Variants in UGT2B17 observed in about 807,000 individuals in gnomAD.
The protein encoded by UGT2B17 is UDP glucuronosyltransferase family 2 member B17, also known as UDP-glucuronosyltransferase 2B17.
UGT2B17 carries 21 observed loss-of-function variants against 48.2 expected under a neutral mutation model. The ratio of observed to expected loss-of-function variants is 0.44; its 90% CI spans 0.31 to 0.63. The LOEUF is 0.63. UGT2B17 is among the 20% of genes least tolerant of loss of function. The pLI is 0.08. For synonymous variants in UGT2B17, 146 were observed against 238.4 expected, an observed-to-expected ratio of 0.61 and a Z score of 3.57; for missense variants, 402 against 696.1, an observed-to-expected ratio of 0.58 and a Z score of 4.75.
rs546771764 is a variant in UGT2B17 at position 68,542,728 on chromosome 4, G to T, written c.1314-4824C>A. ...GTAACAGATGGCACCTGGAAAATTG[G>T]GTTACTCCCACCCTAATACTGCGCT... is the stretch of plus-strand genomic sequence containing the variant. On this transcript the variant is annotated intron_variant, in intron 6 of 6. Coordinates refer to ENST00000317746, the MANE Select transcript of UGT2B17 (RefSeq NM_001077.4). Among the ~76,000 whole-genome samples the T allele has an allele frequency of 6.3e-5, 8 of 126,922 alleles. 1 individual carries two copies. The highest frequency in any genetic ancestry group is 2.2e-4 in the African/African-American group (8 of 37,194). 83.3% of individuals were successfully genotyped at this position (126,922 alleles called of 152,430 possible). A position where few individuals can be genotyped will look rare whatever the true frequency, so the allele number is the denominator to read the frequency against.
chr4:68,562,903 T>C (rs1731129952), intron 3 of UGT2B17, among the ~76,000 whole-genome samples: 1 of 126,742 alleles, frequency 7.9e-6, no homozygotes, highest in Non-Finnish European at 1.7e-5. Flanking sequence ...CAACTATACC[T>C]GTACTACAGC....
In UGT2B17 at chr4:68,567,640, C is replaced by T. The variant is rs1438370089; in HGVS notation, c.724+121G>A. On this transcript the variant is annotated intron_variant, in intron 2 of 6. Transcript: ENST00000317746. ...TTTTTGAGACTCATAGATCATCTTACATTTGCAATTCATAATTTCCCATAA... is the reference window on the plus strand; with the variant it reads ...TTTTTGAGACTCATAGATCATCTTATATTTGCAATTCATAATTTCCCATAA... The T allele has an allele frequency of 3.7e-5, 29 of 778,848 alleles. 8 individuals carry two copies. Among genetic ancestry groups the T allele is most frequent in the Non-Finnish European group, 4.8e-5 (27 of 565,396 alleles). 48.2% of individuals were successfully genotyped at this position (778,848 alleles called of 1,614,324 possible).
chr4:68,569,030 A>G (rs1172280550), intron 1 of UGT2B17, among the ~76,000 whole-genome samples: 1 of 135,226 alleles, frequency 7.4e-6, no homozygotes, highest in Admixed American at 7.4e-5. Flanking sequence ...GGCAACCACT[A>G]ATCTAATTTC....
rs1731105371 is a variant in UGT2B17 at position 68,561,652 on chromosome 4, A to G, written c.874-984T>C. Among the ~76,000 whole-genome samples the G allele has an allele frequency of 1.6e-5, 2 of 123,514 alleles. 1 individual carries two copies. Among genetic ancestry groups the G allele is most frequent in the Admixed American group, 1.7e-4 (2 of 11,834 alleles). 81.0% of individuals were successfully genotyped at this position (123,514 alleles called of 152,430 possible). Reference sequence around the variant, plus strand: ...CCCCCTAGAGTAGCTCCCTCACACTATATGAAGCTCCTGGTAAATATGTGT... The same window carrying G: ...CCCCCTAGAGTAGCTCCCTCACACTGTATGAAGCTCCTGGTAAATATGTGT... On this transcript the variant is annotated intron_variant, in intron 3 of 6. Coordinates refer to ENST00000317746, the MANE Select transcript of UGT2B17 (RefSeq NM_001077.4).
At chr4:68,560,811 T>A in intron 3 of UGT2B17, 143 bp from the exon 4 acceptor site, 3 of 673,038 alleles carry the variant, frequency 4.5e-6, no homozygotes, top group Non-Finnish European at 6.7e-6. Flanking sequence ...TCAGTTTCTT[T>A]GAAAGGAGAT....
At position 68,561,963 on chromosome 4, in the gene UGT2B17, T is replaced by C; in HGVS notation, c.874-1295A>G. Among the ~76,000 whole-genome samples the C allele has an allele frequency of 1.6e-5, 2 of 124,150 alleles. 1 individual carries two copies. Among genetic ancestry groups the C allele is most frequent in the Non-Finnish European group, 3.4e-5 (2 of 59,012 alleles). 81.4% of individuals were successfully genotyped at this position (124,150 alleles called of 152,430 possible). ...CCAACCCCTTCTATCATAACAAATA[T>C]ACTTTCTGGTCCTAATCATTGGGGG... is the stretch of plus-strand genomic sequence containing the variant. On this transcript the variant is annotated intron_variant, in intron 3 of 6. Coordinates refer to ENST00000317746, the MANE Select transcript of UGT2B17 (RefSeq NM_001077.4).
rs1252592848 is a variant in UGT2B17, at chr4:68,548,049, C to T, written c.1313+2628G>A. ...CTCAGGGATCTAGAACTAGAAATAT[C>T]ATTTATCTAGCATTCCCATTACTGG... is the stretch of plus-strand genomic sequence containing the variant. On this transcript the variant is annotated intron_variant, in intron 6 of 6. Transcript: ENST00000317746. Among the ~76,000 whole-genome samples, 28 of 126,558 alleles carry T rather than the reference C, an allele frequency of 2.2e-4. 9 individuals carry two copies. Among genetic ancestry groups the T allele is most frequent in the Non-Finnish European group, 3.4e-5 (2 of 59,584 alleles). The allele number at this position is 126,558 out of a possible 152,430, so 83.0% of individuals were successfully genotyped here. A position where few individuals can be genotyped will look rare whatever the true frequency, so the allele number is the denominator to read the frequency against.
rs1731215973 is a variant in UGT2B17 at position 68,567,180 on chromosome 4, C to T, written c.724+581G>A. On this transcript the variant is annotated intron_variant, in intron 2 of 6. Coordinates refer to ENST00000317746, the MANE Select transcript of UGT2B17 (RefSeq NM_001077.4). ...TAGATGTTCACTTTCAACAAGATTT[C>T]AGTTTTTGAAGGAAATAATTGTGAA... 1.6e-5 allele frequency among the ~76,000 whole-genome samples: 2 copies of T among 125,496 alleles called. 1 individual carries two copies. Among genetic ancestry groups the T allele is most frequent in the African/African-American group, 5.5e-5 (2 of 36,668 alleles). 82.3% of individuals were successfully genotyped at this position (125,496 alleles called of 152,430 possible).
chr4:68,542,071 A>G (rs1730669344), intron 6 of UGT2B17, among the ~76,000 whole-genome samples: 1 of 123,902 alleles, frequency 8.1e-6, no homozygotes, highest in Admixed American at 8.3e-5. Flanking sequence ...ATCCAGTTGC[A>G]GTTTTCTCCA....
chr4:68,574,519 T>C lies in UGT2B17; in HGVS notation c.-65+1432A>G, dbSNP rs1461378132. On this transcript the variant is annotated intron_variant, in intron 1 of 6. Coordinates refer to ENST00000317746, the MANE Select transcript of UGT2B17 (RefSeq NM_001077.4). ...TTTCATGTCTAGTTCACAGAAAAAC[T>C]GGATAATACTTTTTTAACTTTAGCT... is the stretch of plus-strand genomic sequence containing the variant. 1.6e-5 allele frequency among the ~76,000 whole-genome samples: 2 copies of C among 126,920 alleles called. 1 individual carries two copies. Among genetic ancestry groups the C allele is most frequent in the African/African-American group, 5.4e-5 (2 of 37,126 alleles). The allele number at this position is 126,920 out of a possible 152,430, so 83.3% of individuals were successfully genotyped here.
intron 4 of UGT2B17, among the ~76,000 whole-genome samples, chr4:68,554,840 T>G (rs1730974431): frequency 1.6e-5 from 2 of 125,374 alleles, no homozygotes; most frequent in Admixed American, 1.6e-4. Context: ...TTGAAACAGG[T>G]TATCAAGAAT....
At position 68,539,643 on chromosome 4, in the gene UGT2B17, A is replaced by G. The variant is rs532738044; in HGVS notation, c.1314-1739T>C. 2.7e-4 allele frequency among the ~76,000 whole-genome samples: 33 copies of G among 123,606 alleles called. 7 individuals carry two copies. Among genetic ancestry groups the G allele is most frequent in the African/African-American group, 8.8e-4 (32 of 36,378 alleles). 81.1% of individuals were successfully genotyped at this position (123,606 alleles called of 152,430 possible). A position where few individuals can be genotyped will look rare whatever the true frequency, so the allele number is the denominator to read the frequency against. On this transcript the variant is annotated intron_variant, in intron 6 of 6. Coordinates refer to ENST00000317746, the MANE Select transcript of UGT2B17 (RefSeq NM_001077.4). ...GAATCAGAGATTGTTTTTAGTTATC[A>G]TTTTCTGGATGATTTATAATTTGAT... is the stretch of plus-strand genomic sequence containing the variant.
Position 68,566,167 on chromosome 4 carries a change from A to C in UGT2B17, c.725-447T>G, listed in dbSNP as rs1209766687. 1.7e-5 allele frequency among the ~76,000 whole-genome samples: 2 copies of C among 118,994 alleles called. 1 individual carries two copies. Among genetic ancestry groups the C allele is most frequent in the African/African-American group, 5.7e-5 (2 of 35,370 alleles). 78.1% of individuals were successfully genotyped at this position (118,994 alleles called of 152,430 possible). Reference sequence around the variant, plus strand: ...TTTTAATTTAATATTTAAATTATTTAATAAAATAATTTAATATAATGTAAA... The same window carrying C: ...TTTTAATTTAATATTTAAATTATTTCATAAAATAATTTAATATAATGTAAA... On this transcript the variant is annotated intron_variant, in intron 2 of 6. Coordinates refer to ENST00000317746, the MANE Select transcript of UGT2B17 (RefSeq NM_001077.4).
chr4:68,538,317 C>T (rs1336533067), intron 6 of UGT2B17, among the ~76,000 whole-genome samples: 1 of 124,546 alleles, frequency 8.0e-6, no homozygotes, highest in African/African-American at 2.8e-5. Context: ...CTCAGTGCAG[C>T]CTTTCCGTTT....
rs2109768282 is a variant in UGT2B17 at position 68,554,570 on chromosome 4, TA to T, written c.1006-2660del. Among the ~76,000 whole-genome samples, 2 of 126,022 alleles carry T rather than the reference TA, an allele frequency of 1.6e-5. 1 individual carries two copies. Among genetic ancestry groups the T allele is most frequent in the Non-Finnish European group, 3.4e-5 (2 of 59,402 alleles). 82.7% of individuals were successfully genotyped at this position (126,022 alleles called of 152,430 possible). On this transcript the variant is annotated intron_variant, in intron 4 of 6. Coordinates refer to ENST00000317746, the MANE Select transcript of UGT2B17 (RefSeq NM_001077.4). ...TTATCTCATAGCTAAATTTCTGAAGTAAAAACCACATAATCTTTTGTGTGTG... is the reference window on the plus strand; with the variant it reads ...TTATCTCATAGCTAAATTTCTGAAGTAAAACCACATAATCTTTTGTGTGTG...
chr4:68,547,001 C>T (rs1015252082), intron 6 of UGT2B17, among the ~76,000 whole-genome samples: 2 of 124,350 alleles, frequency 1.6e-5, no homozygotes, highest in Non-Finnish European at 3.4e-5. Context: ...GCCATACTGC[C>T]CAAGGTAATT....
In UGT2B17 at chr4:68,540,284, T is replaced by C. The variant is rs1392431148; in HGVS notation, c.1314-2380A>G. ...TTTCAAAGATCATTATTTTGTCTAC[T>C]TTGGTCTGTTTAAATTTAATGCGAG... is the stretch of plus-strand genomic sequence containing the variant. On this transcript the variant is annotated intron_variant, in intron 6 of 6. Coordinates refer to ENST00000317746, the MANE Select transcript of UGT2B17 (RefSeq NM_001077.4). Among the ~76,000 whole-genome samples the C allele has an allele frequency of 1.6e-5, 2 of 127,154 alleles. 1 individual carries two copies. Among genetic ancestry groups the C allele is most frequent in the Non-Finnish European group, 3.3e-5 (2 of 59,812 alleles). The allele number at this position is 127,154 out of a possible 152,430, so 83.4% of individuals were successfully genotyped here. A position where few individuals can be genotyped will look rare whatever the true frequency, so the allele number is the denominator to read the frequency against.
At chr4:68,560,771 G>A in intron 3 of UGT2B17, 103 bp from the exon 4 acceptor site, 1 of 1,284,478 alleles carries the variant, frequency 7.8e-7, no homozygotes, top group Non-Finnish European at 1.0e-6. Flanking sequence ...AGGAGCTATT[G>A]GAGTAATTTT....
chr4:68,548,070 A>C (rs1180551610), intron 6 of UGT2B17, among the ~76,000 whole-genome samples: 1 of 126,904 alleles, frequency 7.9e-6, no homozygotes, highest in Non-Finnish European at 1.7e-5. Context: ...CATTCCCATT[A>C]CTGGGTATAT....
Sources: gnomAD v4.1 joint callset for allele counts (sites outside exome capture counted in the v4.1 genomes callset) on GRCh38, gnomAD v4.1.1 for gene constraint, MANE v1.5 for transcripts, NCBI Gene and HGNC (gene_info 2026-07-23, HGNC 2026-07-21) for gene names.